The following NPAS3 variants were observed in gnomAD, a reference collection of about 807,000 sequenced individuals.
NPAS3 encodes the protein neuronal PAS domain protein 3, also known as neuronal PAS domain-containing protein 3.
NPAS3 carries 14 observed loss-of-function variants against 73.1 expected under a neutral mutation model. The ratio of observed to expected loss-of-function variants is 0.19; its 90% CI spans 0.13 to 0.30. The LOEUF (loss-of-function observed/expected upper bound fraction) is 0.30, where lower values mean the gene tolerates loss of function less well. NPAS3 is among the 10% of genes least tolerant of loss of function. The pLI, the probability that NPAS3 is intolerant of heterozygous loss-of-function variation, is 1.00. For synonymous variants in NPAS3, 620 were observed against 541.5 expected (o/e 1.14, Z -2.01); for missense variants, 1,096 against 1,250.0 (o/e 0.88, Z 1.86).
chr14:33,434,922 CAGTAATTTTGAGGGGG>C (rs2048924924), intron 4 of NPAS3, among the ~76,000 whole-genome samples: 1 of 152,058 alleles, frequency 6.6e-6, no homozygotes, highest in South Asian at 2.1e-4. Context: ...CCAAAGAGTT[CAGTAATTTTGAGGGGG>C]GTGTGGTTGG....
intron 2 of NPAS3, among the ~76,000 whole-genome samples, chr14:33,083,283 T>C (rs552361353): frequency 6.8e-6 from 1 of 147,308 alleles, no homozygotes; most frequent in African/African-American, 2.5e-5. Context: ...TGCAATCATA[T>C]GAGGGTAGAG....
chr14:33,787,465 TA>T (rs140384582), intron 9 of NPAS3, among the ~76,000 whole-genome samples: 3,016 of 152,164 alleles, frequency 0.02, 84 homozygotes, highest in Middle Eastern at 0.061. Flanking sequence ...ATTAGCGTAT[TA>T]GGGGGGAAAA....
intron 4 of NPAS3, among the ~76,000 whole-genome samples, chr14:33,533,088 C>A (rs2054111932): frequency 6.6e-6 from 1 of 151,816 alleles, no homozygotes; most frequent in Non-Finnish European, 1.5e-5. Context: ...AGAAGAGAAC[C>A]TTTTTATTTT....
At chr14:33,635,316 A>T (rs2058484277) in intron 5 of NPAS3, among the ~76,000 whole-genome samples, 2 of 152,196 alleles carry the variant, frequency 1.3e-5, no homozygotes, top group African/African-American at 4.8e-5. Context: ...TGGAAGTCAG[A>T]TTACAGAGAG....
rs114282211 is a variant in NPAS3, at chr14:33,554,281, G to A, written c.469-5840G>A. Among the ~76,000 whole-genome samples the A allele has an allele frequency of 3.0e-3, 459 of 152,278 alleles. 2 individuals are homozygous for A. Among genetic ancestry groups the A allele is most frequent in the African/African-American group, 0.01 (436 of 41,560 alleles). ...ATAGTGCCCGAATTCAGGCTCTGCC[G>A]TTGTCCTAACGGAGTTATGTCACAA... On this transcript the variant is annotated intron_variant, in intron 4 of 11. Coordinates refer to ENST00000356141, the Ensembl canonical transcript of NPAS3.
At chr14:33,233,532 A>G (rs570322351) in intron 3 of NPAS3, among the ~76,000 whole-genome samples, 2 of 152,138 alleles carry the variant, frequency 1.3e-5, no homozygotes, top group South Asian at 4.1e-4. Flanking sequence ...TACTGACAAA[A>G]AGGATAAAAA....
At chr14:33,554,417 A>C (rs1595143579) in intron 4 of NPAS3, among the ~76,000 whole-genome samples, 1 of 152,214 alleles carries the variant, frequency 6.6e-6, no homozygotes, top group African/African-American at 2.4e-5. Context: ...AACATCACAG[A>C]TGCATGGCAC....
At chr14:33,540,958 A>C (rs1233072175) in intron 4 of NPAS3, among the ~76,000 whole-genome samples, 1 of 151,982 alleles carries the variant, frequency 6.6e-6, no homozygotes. Context: ...TCTTTTTATT[A>C]ATCTCTTGTT....
intron 3 of NPAS3, among the ~76,000 whole-genome samples, chr14:33,253,452 T>C (rs1268587056): frequency 1.3e-5 from 2 of 152,080 alleles, no homozygotes; most frequent in Non-Finnish European, 2.9e-5. Context: ...AGTAAATTAC[T>C]TTCCCATTAT....
rs548844625 is a variant in NPAS3, at chr14:33,212,438, G to A, written c.141-2744G>A. ...AGAGTTAAAAAAAGAGAAAGACAAG[G>A]TAGAGAAAAGAAAACAAGGAGGTAG... On this transcript the variant is annotated intron_variant, in intron 2 of 11. Transcript: ENST00000356141. 5.6e-5 allele frequency among the ~76,000 whole-genome samples: 8 copies of A among 143,466 alleles called. No homozygotes were observed. The East Asian group carries it at 1.0e-3, about 18-fold the overall frequency. 94.1% of individuals were successfully genotyped at this position (143,466 alleles called of 152,430 possible). A position where few individuals can be genotyped will look rare whatever the true frequency, so the allele number is the denominator to read the frequency against.
At chr14:33,607,379 C>T (rs1383665826) in intron 5 of NPAS3, among the ~76,000 whole-genome samples, 1 of 141,580 alleles carries the variant, frequency 7.1e-6, no homozygotes, top group Non-Finnish European at 1.5e-5. Flanking sequence ...AATCTCAAAA[C>T]AATTATTCTT....
intron 5 of NPAS3, among the ~76,000 whole-genome samples, chr14:33,604,821 T>C (rs1356291920): frequency 6.6e-6 from 1 of 152,066 alleles, no homozygotes; most frequent in African/African-American, 2.4e-5. Flanking sequence ...AAGCTTCAAA[T>C]ATGTGGAAGC....
At chr14:32,939,528 C>G (rs1396707977) in intron 1 of NPAS3, among the ~76,000 whole-genome samples, 162 bp downstream of exon 1, 1 of 148,520 alleles carries the variant, frequency 6.7e-6, no homozygotes, top group African/African-American at 2.4e-5. Context: ...CGCGCATTGT[C>G]CCCGCGGCGG....
rs78696230 is a variant in NPAS3, at chr14:33,671,419, G to C, written c.559-4792G>C. Among the ~76,000 whole-genome samples the C allele has an allele frequency of 2.6e-3, 393 of 152,230 alleles. 9 individuals are homozygous for C. In the East Asian group the frequency reaches 0.067, roughly 26 times the overall value. Reference sequence around the variant, plus strand: ...ACTTCAGAGTTACCAAATCAGCTGTGTCTAGTGTGCAAATTACATGCAAGC... The same window carrying C: ...ACTTCAGAGTTACCAAATCAGCTGTCTCTAGTGTGCAAATTACATGCAAGC... On this transcript the variant is annotated intron_variant, in intron 5 of 11. Coordinates refer to ENST00000356141, the Ensembl canonical transcript of NPAS3.
intron 1 of NPAS3, among the ~76,000 whole-genome samples, chr14:33,050,376 A>G (rs1167810245): frequency 6.6e-6 from 1 of 152,072 alleles, no homozygotes; most frequent in Non-Finnish European, 1.5e-5. Context: ...AACATTTTAG[A>G]TGTTTGAGGC....
intron 3 of NPAS3, among the ~76,000 whole-genome samples, chr14:33,274,226 G>T (rs1275486343): frequency 6.6e-6 from 1 of 152,194 alleles, no homozygotes; most frequent in Non-Finnish European, 1.5e-5. Context: ...ACAGTGATTG[G>T]TACAAGAGTA....
chr14:32,945,001 A>T (rs2139087849), intron 1 of NPAS3, among the ~76,000 whole-genome samples: 1 of 152,316 alleles, frequency 6.6e-6, no homozygotes, highest in African/African-American at 2.4e-5. Context: ...GACCGTGGTT[A>T]TGCGTGCCAG....
intron 4 of NPAS3, among the ~76,000 whole-genome samples, chr14:33,508,928 G>T (rs769516675): frequency 6.6e-6 from 1 of 151,872 alleles, no homozygotes; most frequent in Non-Finnish European, 1.5e-5. Context: ...GCTGCCCTGC[G>T]GTCTCTGGCA....
intron 5 of NPAS3, among the ~76,000 whole-genome samples, chr14:33,627,128 G>T (rs562862142): frequency 5.3e-5 from 8 of 152,108 alleles, no homozygotes; most frequent in African/African-American, 1.4e-4. Flanking sequence ...TAAAGTTTCT[G>T]TCAAGTAGCA....
Sources: allele counts gnomAD v4.1 joint callset (sites outside exome capture counted in the v4.1 genomes callset), GRCh38; gene constraint gnomAD v4.1.1; transcripts MANE v1.5; gene names NCBI Gene and HGNC (gene_info 2026-07-23, HGNC 2026-07-21).